Variants in GALNT13 observed in about 807,000 individuals in gnomAD.
The protein encoded by GALNT13 is polypeptide N-acetylgalactosaminyltransferase 13.
A neutral mutation model predicts 64.2 loss-of-function variants in GALNT13; 28 were observed. That is an observed-to-expected ratio of 0.44 (90% CI 0.32 to 0.60). The LOEUF is 0.60. GALNT13 is among the 20% of genes least tolerant of loss of function. The pLI is 0.05. For missense variants in GALNT13, 577 were observed against 669.8 expected (o/e 0.86, Z 1.53); for synonymous variants, 214 against 224.6 (o/e 0.95, Z 0.42).
At chr2:153,842,025 G>C in the GALNT13 span, among the ~76,000 whole-genome samples, 1 of 152,012 alleles carries the variant, frequency 6.6e-6, no homozygotes, top group Non-Finnish European at 1.5e-5. Flanking sequence ...GTGGGTGGTG[G>C]GGAGCAGGGT....
the GALNT13 span, among the ~76,000 whole-genome samples, chr2:153,112,865 A>G: frequency 6.6e-6 from 1 of 152,106 alleles, no homozygotes; most frequent in Non-Finnish European, 1.5e-5. Flanking sequence ...TTTAATCTAT[A>G]TAAGAAGGCA....
chr2:153,331,616 T>C, the GALNT13 span, among the ~76,000 whole-genome samples: 6 of 152,150 alleles, frequency 3.9e-5, no homozygotes, highest in Non-Finnish European at 5.9e-5. Flanking sequence ...TAGGCCAGTC[T>C]TTCCTTTTCA....
chr2:154,334,591 ATCAGAAAACTTGCCATCATTCTTC>A (rs71806696), intron 9 of GALNT13, among the ~76,000 whole-genome samples: 22,156 of 151,966 alleles, frequency 0.15, 1,700 homozygotes, highest in Middle Eastern at 0.2. Flanking sequence ...ATTTGCTTGC[ATCAGAAAACTTGCCATCATTCTTC>A]TCAGTTACAA....
intron 4 of GALNT13, among the ~76,000 whole-genome samples, chr2:154,152,120 G>A (rs1311500936): frequency 6.6e-6 from 1 of 152,170 alleles, no homozygotes; most frequent in Admixed American, 6.6e-5. Flanking sequence ...TTTTAGGGCA[G>A]GCCTGGTGGT....
chr2:153,576,145 T>C, the GALNT13 span, among the ~76,000 whole-genome samples: 1 of 150,916 alleles, frequency 6.6e-6, no homozygotes, highest in African/African-American at 2.5e-5. Flanking sequence ...GATAATGCCC[T>C]CCCCACTCTT....
chr2:153,529,480 CACTT>C, the GALNT13 span, among the ~76,000 whole-genome samples: 1 of 151,836 alleles, frequency 6.6e-6, no homozygotes, highest in Admixed American at 6.6e-5. Context: ...TTCTACCAAA[CACTT>C]AAAGAGTAAC....
intron 11 of GALNT13, among the ~76,000 whole-genome samples, chr2:154,426,574 A>G (rs1309930342): frequency 6.6e-6 from 1 of 152,204 alleles, no homozygotes; most frequent in Non-Finnish European, 1.5e-5. Context: ...GGGATTCCCA[A>G]CTGAGCTTAA....
At chr2:153,439,375 G>A in the GALNT13 span, among the ~76,000 whole-genome samples, 1 of 152,176 alleles carries the variant, frequency 6.6e-6, no homozygotes. Context: ...CGTCTGCAGA[G>A]GTTACTGCTG....
chr2:153,405,282 G>A, the GALNT13 span, among the ~76,000 whole-genome samples: 1 of 152,210 alleles, frequency 6.6e-6, no homozygotes, highest in East Asian at 1.9e-4. Context: ...GGTTTGGAAA[G>A]GAATTGTGGT....
the GALNT13 span, among the ~76,000 whole-genome samples, chr2:153,240,258 T>A: frequency 2.0e-5 from 3 of 152,188 alleles, no homozygotes; most frequent in South Asian, 2.1e-4. Flanking sequence ...TTATTTTTTT[T>A]AAATCAACTT....
At chr2:154,280,549 A>G (rs866591994) in intron 8 of GALNT13, among the ~76,000 whole-genome samples, 1 of 152,206 alleles carries the variant, frequency 6.6e-6, no homozygotes, top group African/African-American at 2.4e-5. Flanking sequence ...CTGTAACTCC[A>G]ATTAGGAGAG....
the GALNT13 span, among the ~76,000 whole-genome samples, chr2:153,831,786 C>T: frequency 6.6e-6 from 1 of 152,124 alleles, no homozygotes; most frequent in Non-Finnish European, 1.5e-5. Context: ...CATTTGCTTT[C>T]CTGAGTGGAC....
intron 9 of GALNT13, among the ~76,000 whole-genome samples, chr2:154,318,747 G>T (rs1307617543): frequency 1.3e-5 from 2 of 151,162 alleles, no homozygotes; most frequent in Non-Finnish European, 2.9e-5. Flanking sequence ...AAAATCGTTA[G>T]ATTAAAATAT....
At chr2:154,360,488 A>G (rs1697001994) in intron 9 of GALNT13, among the ~76,000 whole-genome samples, 1 of 86,722 alleles carries the variant, frequency 1.2e-5, no homozygotes, top group Non-Finnish European at 2.8e-5. Context: ...GAAGTACCAC[A>G]GACTGTGTTT....
the GALNT13 span, among the ~76,000 whole-genome samples, chr2:153,414,333 C>A: frequency 1.3e-5 from 2 of 151,594 alleles, no homozygotes; most frequent in Non-Finnish European, 2.9e-5. Context: ...CAAGATCATG[C>A]CATTGCACTC....
At chr2:153,672,770 GT>G in the GALNT13 span, among the ~76,000 whole-genome samples, 785 of 143,206 alleles carry the variant, frequency 5.5e-3, 3 homozygotes, top group Middle Eastern at 0.01. Context: ...TCCAGGAGGT[GT>G]TTTTTTTTTT....
intron 9 of GALNT13, among the ~76,000 whole-genome samples, chr2:154,373,080 TGTCAAA>T (rs1297668912): frequency 6.6e-6 from 1 of 152,124 alleles, no homozygotes; most frequent in Non-Finnish European, 1.5e-5. Flanking sequence ...AGTATTTTAA[TGTCAAA>T]GTCAATTAGA....
At chr2:153,228,223 C>A in the GALNT13 span, among the ~76,000 whole-genome samples, 1 of 152,156 alleles carries the variant, frequency 6.6e-6, no homozygotes, top group Non-Finnish European at 1.5e-5. Context: ...CTGCTTGGCC[C>A]TGAGTGACAC....
At chr2:154,258,493 TAA>T in intron 7 of GALNT13, among the ~76,000 whole-genome samples, 1 of 151,808 alleles carries the variant, frequency 6.6e-6, no homozygotes, top group East Asian at 1.9e-4. Context: ...GCCCTTATGT[TAA>T]AAAAAATACC....
Sources: gnomAD v4.1 joint callset for allele counts (sites outside exome capture counted in the v4.1 genomes callset) on GRCh38, gnomAD v4.1.1 for gene constraint, MANE v1.5 for transcripts, NCBI Gene and HGNC (gene_info 2026-07-23, HGNC 2026-07-21) for gene names.